Variants in SHLD2 observed in about 807,000 individuals in gnomAD.
SHLD2 encodes shieldin complex subunit 2.
Under a neutral mutation model 73.2 loss-of-function variants are expected in SHLD2, and 30 were observed. The observed-to-expected ratio is 0.41, with a 90% CI of 0.31 to 0.56. The LOEUF (loss-of-function observed/expected upper bound fraction) is 0.56. Ranked by LOEUF, SHLD2 falls within the 20% of genes least tolerant of loss-of-function variation. SHLD2 has a pLI of 0.28. For synonymous variants in SHLD2, 285 were observed against 370.1 expected (o/e 0.77, Z 2.64); for missense variants, 745 against 1,055.9 (o/e 0.71, Z 4.08).
At chr10:87,189,679 A>G (rs570717959) in intron 9 of SHLD2, among the ~76,000 whole-genome samples, 1 of 152,348 alleles carries the variant, frequency 6.6e-6, no homozygotes, top group South Asian at 2.1e-4. Context: ...GTGCTCTGTC[A>G]TTCTGGTATT....
chr10:87,126,998 C>A lies in SHLD2; in HGVS notation c.-5-24352C>A, dbSNP rs527571031. On this transcript the variant is annotated intron_variant, in intron 2 of 9. Transcript: ENST00000298786. ...CACAATTCCTAATCTCACATAAATG[C>A]TATTTTTTTTACTAGCTGTGGGGAG... Among the ~76,000 whole-genome samples the A allele has an allele frequency of 9.7e-4, 147 of 152,280 alleles. 1 individual carries two copies. Among genetic ancestry groups the A allele is most frequent in the South Asian group, 2.3e-3 (11 of 4,826 alleles).
rs183109526 is a variant in SHLD2 at position 87,175,411 on chromosome 10, C to T, written c.1964-478C>T. 7.6e-3 allele frequency among the ~76,000 whole-genome samples: 1,151 copies of T among 151,256 alleles called. 10 individuals carry two copies. The highest frequency in any genetic ancestry group is 0.027 in the African/African-American group (1,129 of 41,170). On this transcript the variant is annotated intron_variant, in intron 6 of 9. Coordinates refer to ENST00000298786, the MANE Select transcript of SHLD2 (RefSeq NM_001330112.2). ...ATTAAAATTATCTCTGGTGGCCCGG[C>T]ACGGAGGCTTATGCCTGTAATCCCA...
At chr10:87,113,006 G>T (rs1213239251) in intron 2 of SHLD2, among the ~76,000 whole-genome samples, 1 of 152,138 alleles carries the variant, frequency 6.6e-6, no homozygotes, top group African/African-American at 2.4e-5. Context: ...CAACCTAAAT[G>T]TAGATCAGCT....
chr10:87,145,542 G>A (rs1409268075), intron 2 of SHLD2, among the ~76,000 whole-genome samples: 2 of 151,584 alleles, frequency 1.3e-5, no homozygotes, highest in East Asian at 3.9e-4. Context: ...TGGTGTTTTT[G>A]GTAAAATAGA....
At chr10:87,168,129 A>G (rs1361828445) in intron 4 of SHLD2, among the ~76,000 whole-genome samples, 2 of 152,164 alleles carry the variant, frequency 1.3e-5, no homozygotes, top group Admixed American at 6.5e-5. Context: ...ATTACTAGGT[A>G]TATATCCAAA....
chr10:87,101,191 G>A (rs892105737), intron 2 of SHLD2, among the ~76,000 whole-genome samples: 12 of 151,956 alleles, frequency 7.9e-5, no homozygotes, highest in African/African-American at 2.9e-4. Flanking sequence ...GCATATTCTG[G>A]CCCCAGAATA....
intron 6 of SHLD2, among the ~76,000 whole-genome samples, chr10:87,171,850 T>C (rs1412710167): frequency 6.6e-6 from 1 of 152,098 alleles, no homozygotes; most frequent in African/African-American, 2.4e-5. Flanking sequence ...CAGATGTTTG[T>C]TTGGTTGAGC....
At position 87,170,500 on chromosome 10, in the gene SHLD2, T is replaced by G; in HGVS notation, c.1656T>G (p.Val552=). 1 of 1,596,330 alleles carries G rather than the reference T, an allele frequency of 6.3e-7. No individual in the cohort carries two copies. Among genetic ancestry groups the G allele is most frequent in the South Asian group, 1.1e-5 (1 of 86,998 alleles). The change falls in exon 5 of 10, where the codon GTT becomes GTG. Residue 552 remains valine, a synonymous_variant. Transcript: ENST00000298786. ...TAGATTCCAGTGTAGTTAGTGAAGTTGTACTTCAAGACTTACTGGCATATG... is the reference window on the plus strand; with the variant it reads ...TAGATTCCAGTGTAGTTAGTGAAGTGGTACTTCAAGACTTACTGGCATATG... ...PEEYSSVVSE[V]VLQDLLAYVS...
At chr10:87,162,820 A>C (rs1846915792) in intron 4 of SHLD2, among the ~76,000 whole-genome samples, 1 of 152,240 alleles carries the variant, frequency 6.6e-6, no homozygotes, top group African/African-American at 2.4e-5. Flanking sequence ...ATTAAAAAAA[A>C]GCACATTCTG....
chr10:87,144,468 C>T (rs9421597), intron 2 of SHLD2, among the ~76,000 whole-genome samples: 1,920 of 152,228 alleles, frequency 0.013, 24 homozygotes, highest in Non-Finnish European at 0.017. Flanking sequence ...GTGGCTATTA[C>T]TTTGAGATAC....
At chr10:87,154,185 C>G (rs1846214105) in intron 3 of SHLD2, 1 of 151,188 alleles carries the variant, frequency 6.6e-6, no homozygotes, top group Admixed American at 6.6e-5. Flanking sequence ...TGTTTCCAAC[C>G]TGGACCAGTT....
At chr10:87,094,648 G>A, upstream of SHLD2, 22 of 1,603,348 alleles carry the variant, frequency 1.4e-5, no homozygotes, top group Non-Finnish European at 1.9e-5. The surrounding 1 kb of genome is among the most constrained non-coding windows in gnomAD (Gnocchi z 6.6). Flanking sequence ...CCCCGGCTGC[G>A]GGGCGGCGGC....
chr10:87,170,861 G>A lies in SHLD2; in HGVS notation c.1850G>A (p.Gly617Glu). The A allele has an allele frequency of 6.2e-7, 1 of 1,611,508 alleles. No homozygotes were observed. Among genetic ancestry groups the A allele is most frequent in the South Asian group, 1.1e-5 (1 of 90,934 alleles). The change falls in exon 6 of 10, where the codon GGA becomes GAA. Residue 617 changes from glycine to glutamate, a missense_variant. Transcript: ENST00000298786. ...CCAGAGGCAGTATACAGTTATAGAGGACAGAAGCAGAAAAAAGTTATGTTA... is the reference window on the plus strand; with the variant it reads ...CCAGAGGCAGTATACAGTTATAGAGAACAGAAGCAGAAAAAAGTTATGTTA... ...ILTEAVYSYR[G>E]QKQKKVMLTV...
intron 2 of SHLD2, among the ~76,000 whole-genome samples, chr10:87,105,746 G>T (rs1245045375): frequency 1.3e-5 from 2 of 152,196 alleles, no homozygotes; most frequent in South Asian, 2.1e-4. Flanking sequence ...GAGGTCACAT[G>T]TAGCCATAAC....
intron 7 of SHLD2, among the ~76,000 whole-genome samples, chr10:87,177,516 G>C (rs139744422): frequency 3.2e-4 from 49 of 152,284 alleles, no homozygotes; most frequent in African/African-American, 1.1e-3. Context: ...ACAGAGGCCT[G>C]TTTAGCCTCT....
intron 7 of SHLD2, 67 bp downstream of exon 7, chr10:87,176,162 C>T: frequency 6.5e-7 from 1 of 1,541,976 alleles, no homozygotes; most frequent in East Asian, 2.4e-5. Flanking sequence ...TGCTCTGTTG[C>T]TCAGGCTGGA....
At chr10:87,163,272 C>T (rs925492074) in intron 4 of SHLD2, among the ~76,000 whole-genome samples, 3 of 151,828 alleles carry the variant, frequency 2.0e-5, no homozygotes, top group Non-Finnish European at 2.9e-5. Flanking sequence ...GAAAATACCT[C>T]GGTTTATTTG....
At chr10:87,182,276 C>T (rs1400982444) in intron 8 of SHLD2, among the ~76,000 whole-genome samples, 1 of 152,318 alleles carries the variant, frequency 6.6e-6, no homozygotes, top group East Asian at 1.9e-4. Context: ...CGTATGTTCA[C>T]ATATCACATA....
intron 4 of SHLD2, among the ~76,000 whole-genome samples, chr10:87,159,450 CAT>C (rs1484971249): frequency 1.3e-5 from 2 of 152,180 alleles, no homozygotes; most frequent in South Asian, 4.1e-4. Flanking sequence ...CTTATGTTCT[CAT>C]GTGGAAGACA....
Sources: allele counts gnomAD v4.1 joint callset (sites outside exome capture counted in the v4.1 genomes callset), GRCh38; gene constraint gnomAD v4.1.1; non-coding constraint Gnocchi (gnomAD v3.1); transcripts MANE v1.5; gene names NCBI Gene and HGNC (gene_info 2026-07-23, HGNC 2026-07-21).